The following COL19A1 variants were observed in gnomAD, a reference collection of about 807,000 sequenced individuals.
The protein encoded by COL19A1 is collagen type XIX alpha 1 chain, also known as collagen alpha-1(XIX) chain.
A neutral mutation model predicts 190.2 loss-of-function variants in COL19A1; 159 were observed. The ratio of observed to expected loss-of-function variants is 0.84; its 90% CI spans 0.73 to 0.95. The LOEUF (loss-of-function observed/expected upper bound fraction) is 0.95, where lower values mean the gene tolerates loss of function less well. Ranked by LOEUF, COL19A1 falls within the 40% of genes least tolerant of loss-of-function variation. COL19A1 has a pLI of 0.00. For missense variants in COL19A1, 1,418 were observed against 1,431.9 expected (o/e 0.99, Z 0.16); for synonymous variants, 509 against 458.9 (o/e 1.11, Z -1.39).
At chr6:69,907,107 A>ATTTTTTTTT (rs56927758) in intron 4 of COL19A1, among the ~76,000 whole-genome samples, 20 of 129,366 alleles carry the variant, frequency 1.5e-4, no homozygotes, top group Non-Finnish European at 2.1e-4. Flanking sequence ...TATTATTATT[A>ATTTTTTTTT]TTTTTTTTTT....
At chr6:70,188,871 T>A (rs1412674634) in intron 47 of COL19A1, among the ~76,000 whole-genome samples, 1 of 152,172 alleles carries the variant, frequency 6.6e-6, no homozygotes, top group African/African-American at 2.4e-5. Context: ...TGAAGTGAAG[T>A]AGGGCAGTTA....
At chr6:70,074,916 T>C (rs1432629813) in intron 15 of COL19A1, among the ~76,000 whole-genome samples, 4 of 152,190 alleles carry the variant, frequency 2.6e-5, no homozygotes, top group Admixed American at 2.0e-4. Flanking sequence ...AAAATTACTT[T>C]AAATAATAGT....
chr6:69,965,776 A>G (rs545432508), intron 11 of COL19A1, among the ~76,000 whole-genome samples: 7 of 152,166 alleles, frequency 4.6e-5, no homozygotes, highest in Non-Finnish European at 1.0e-4. Flanking sequence ...ACCTATAGGA[A>G]TGACCCCATC....
chr6:70,096,023 CTGTT>C (rs1783238176), intron 15 of COL19A1, among the ~76,000 whole-genome samples: 1 of 151,798 alleles, frequency 6.6e-6, no homozygotes, highest in Non-Finnish European at 1.5e-5. Context: ...TTTCTTAAAA[CTGTT>C]TCCAATTGTT....
At position 70,044,300 on chromosome 6, in the gene COL19A1, T is replaced by G. The variant is rs545098322; in HGVS notation, c.1170+8361T>G. 2.0e-5 allele frequency among the ~76,000 whole-genome samples: 3 copies of G among 152,340 alleles called. No individual in the cohort carries two copies. The East Asian group carries it at 5.8e-4, about 29-fold the overall frequency. On this transcript the variant is annotated intron_variant, in intron 14 of 50. Transcript: ENST00000620364. ...CTTCATATCAGCAATATGGCTGTTT[T>G]GCTTTCTTATCATTTGTGTATTCAC...
At chr6:69,914,637 G>T (rs529488441) in intron 4 of COL19A1, among the ~76,000 whole-genome samples, 1 of 150,206 alleles carries the variant, frequency 6.7e-6, no homozygotes, top group Non-Finnish European at 1.5e-5. Flanking sequence ...ATAAAGCTTG[G>T]TCTTGTTAAA....
chr6:69,936,345 T>C (rs1385641351), intron 7 of COL19A1, among the ~76,000 whole-genome samples: 1 of 152,162 alleles, frequency 6.6e-6, no homozygotes, highest in African/African-American at 2.4e-5. Flanking sequence ...TTTTCTACTT[T>C]ATATGCTTTA....
At position 70,082,239 on chromosome 6, in the gene COL19A1, T is replaced by C. The variant is rs184954056; in HGVS notation, c.1224+13763T>C. ...CTGACTACTGATGAAGAATTGAAGATTAATTTTCAAAATACAGCATCACTT... is the reference window on the plus strand; with the variant it reads ...CTGACTACTGATGAAGAATTGAAGACTAATTTTCAAAATACAGCATCACTT... On this transcript the variant is annotated intron_variant, in intron 15 of 50. Coordinates refer to ENST00000620364, the MANE Select transcript of COL19A1 (RefSeq NM_001858.6). 8.6e-4 allele frequency among the ~76,000 whole-genome samples: 117 copies of C among 135,298 alleles called. 2 individuals are homozygous for C. Among genetic ancestry groups the C allele is most frequent in the African/African-American group, 2.7e-3 (111 of 40,822 alleles). The allele number at this position is 135,298 out of a possible 152,430, so 88.8% of individuals were successfully genotyped here.
At chr6:70,059,526 A>G (rs1038209025) in intron 14 of COL19A1, among the ~76,000 whole-genome samples, 1 of 152,194 alleles carries the variant, frequency 6.6e-6, no homozygotes, top group Non-Finnish European at 1.5e-5. Context: ...GCTTGTCTTA[A>G]ATAATCAGCA....
intron 1 of COL19A1, among the ~76,000 whole-genome samples, chr6:69,878,878 A>G (rs1228398742): frequency 6.6e-6 from 1 of 152,204 alleles, no homozygotes; most frequent in African/African-American, 2.4e-5. Context: ...TTAAAAGAGG[A>G]GGAAGTTCTG....
chr6:70,043,736 G>A (rs1235779480), intron 14 of COL19A1, among the ~76,000 whole-genome samples: 1 of 152,184 alleles, frequency 6.6e-6, no homozygotes, highest in East Asian at 1.9e-4. Context: ...AAGCAGATGT[G>A]CTGTCATCCA....
At chr6:70,005,316 C>T (rs376451051) in intron 11 of COL19A1, among the ~76,000 whole-genome samples, 1 of 152,130 alleles carries the variant, frequency 6.6e-6, no homozygotes, top group African/African-American at 2.4e-5. Context: ...AGGATGCTGA[C>T]CTTTGGATGG....
At chr6:70,048,084 A>T (rs1455082696) in intron 14 of COL19A1, among the ~76,000 whole-genome samples, 1 of 152,144 alleles carries the variant, frequency 6.6e-6, no homozygotes, top group Non-Finnish European at 1.5e-5. Context: ...AGACATGCTT[A>T]CTAAATGATA....
At chr6:69,899,475 T>C (rs918456598) in intron 3 of COL19A1, among the ~76,000 whole-genome samples, 1 of 152,056 alleles carries the variant, frequency 6.6e-6, no homozygotes, top group Non-Finnish European at 1.5e-5. Context: ...AGGTAGATGA[T>C]GTAGAAAAAA....
chr6:70,068,383 T>A, intron 14 of COL19A1, 40 bp from the exon 15 acceptor site: 1 of 1,270,800 alleles, frequency 7.9e-7, no homozygotes, highest in Non-Finnish European at 1.2e-6. Context: ...GCAGGTGTAC[T>A]TGAAACAGTG....
rs144038155 is a variant in COL19A1 at position 70,048,756 on chromosome 6, CG to C, written c.1170+12818del. On this transcript the variant is annotated intron_variant, in intron 14 of 50. Coordinates refer to ENST00000620364, the MANE Select transcript of COL19A1 (RefSeq NM_001858.6). ...ATTCTAATCCTTTTTAGAGACCAAT[CG>C]TTTTTTAGTTCCATTTAATATATCA... 7.5e-3 allele frequency among the ~76,000 whole-genome samples: 1,136 copies of C among 152,064 alleles called. 16 individuals carry two copies. Among genetic ancestry groups the C allele is most frequent in the African/African-American group, 0.026 (1,072 of 41,496 alleles).
chr6:69,959,208 T>C (rs1419178637), intron 9 of COL19A1, among the ~76,000 whole-genome samples: 1 of 152,186 alleles, frequency 6.6e-6, no homozygotes, highest in African/African-American at 2.4e-5. Flanking sequence ...AAGCCATCTG[T>C]CTTTTTACCC....
intron 16 of COL19A1, among the ~76,000 whole-genome samples, chr6:70,111,715 T>C (rs1456478756): frequency 6.6e-6 from 1 of 152,186 alleles, no homozygotes; most frequent in African/African-American, 2.4e-5. Flanking sequence ...TTTTTAGAAC[T>C]TTCCTGAGCA....
At chr6:70,105,843 T>A (rs1245816074) in intron 16 of COL19A1, among the ~76,000 whole-genome samples, 1 of 152,218 alleles carries the variant, frequency 6.6e-6, no homozygotes. Flanking sequence ...ATTTTGTCTC[T>A]TGTCAAACAG....
Sources: allele counts gnomAD v4.1 joint callset (sites outside exome capture counted in the v4.1 genomes callset), GRCh38; gene constraint gnomAD v4.1.1; transcripts MANE v1.5; gene names NCBI Gene and HGNC (gene_info 2026-07-23, HGNC 2026-07-21).